The following TRAPPC10 variants were observed in gnomAD, a reference collection of about 807,000 sequenced individuals.
TRAPPC10 encodes trafficking protein particle complex subunit 10, also known as TRAPP 130 kDa subunit.
Under a neutral mutation model 125.5 loss-of-function variants are expected in TRAPPC10, and 23 were observed. That is an observed-to-expected ratio of 0.18 (90% CI 0.13 to 0.26). TRAPPC10 has a LOEUF of 0.26. Ranked by LOEUF, TRAPPC10 falls within the 10% of genes least tolerant of loss-of-function variation. The pLI is 1.00. For synonymous variants in TRAPPC10, 509 were observed against 518.0 expected, an observed-to-expected ratio of 0.98 and a Z score of 0.24; for missense variants, 1,123 against 1,308.4, an observed-to-expected ratio of 0.86 and a Z score of 2.19.
chr21:44,014,962 A>G (rs1420617852), intron 1 of TRAPPC10, among the ~76,000 whole-genome samples: 1 of 152,134 alleles, frequency 6.6e-6, no homozygotes, highest in Non-Finnish European at 1.5e-5. Flanking sequence ...GCCTGGTTTC[A>G]CTTTATGCCT....
chr21:44,084,922 G>GA (rs2038023985), intron 15 of TRAPPC10, among the ~76,000 whole-genome samples: 2 of 152,228 alleles, frequency 1.3e-5, no homozygotes, highest in African/African-American at 2.4e-5. Context: ...GAGGTATGGG[G>GA]AAAGGGGTGC....
intron 6 of TRAPPC10, among the ~76,000 whole-genome samples, chr21:44,061,935 A>G (rs2036089611): frequency 6.6e-6 from 1 of 152,222 alleles, no homozygotes; most frequent in East Asian, 1.9e-4. Context: ...GCTGGTAATC[A>G]CAGGTCCATG....
intron 15 of TRAPPC10, among the ~76,000 whole-genome samples, chr21:44,084,661 T>C (rs2038004697): frequency 6.6e-6 from 1 of 152,208 alleles, no homozygotes; most frequent in Non-Finnish European, 1.5e-5. Flanking sequence ...AATTCAGTTC[T>C]GACCCTGTCT....
At chr21:44,065,403 C>T (rs900210841) in intron 7 of TRAPPC10, among the ~76,000 whole-genome samples, 3 of 152,138 alleles carry the variant, frequency 2.0e-5, no homozygotes, top group Admixed American at 2.0e-4. Context: ...TTTTCCGAGC[C>T]CTTTGCTTTG....
chr21:44,028,326 G>C (rs921563550), intron 1 of TRAPPC10, among the ~76,000 whole-genome samples: 3 of 152,188 alleles, frequency 2.0e-5, no homozygotes, highest in Non-Finnish European at 4.4e-5. Context: ...CTTTCCCGGG[G>C]ATTCTCTGAA....
chr21:44,035,248 G>C (rs1484530237), intron 2 of TRAPPC10, among the ~76,000 whole-genome samples: 1 of 152,184 alleles, frequency 6.6e-6, no homozygotes, highest in East Asian at 1.9e-4. Flanking sequence ...CTGTCACCAT[G>C]TGATGCCCTC....
chr21:44,060,527 C>T lies in TRAPPC10; in HGVS notation c.790+1313C>T, dbSNP rs556268624. 3.5e-4 allele frequency among the ~76,000 whole-genome samples: 53 copies of T among 152,166 alleles called. 1 individual carries two copies. The highest frequency in any genetic ancestry group is 3.3e-3 in the Admixed American group (51 of 15,282). On this transcript the variant is annotated intron_variant, in intron 6 of 22. Coordinates refer to ENST00000291574, the MANE Select transcript of TRAPPC10 (RefSeq NM_003274.5). Reference sequence around the variant, plus strand: ...GATCTCCTGACCTCGTGATCCGCCTCAGCCTCCCAAAGTGCTGGGATTGCA... The same window carrying T: ...GATCTCCTGACCTCGTGATCCGCCTTAGCCTCCCAAAGTGCTGGGATTGCA...
At chr21:44,037,680 T>C (rs2034090170) in intron 2 of TRAPPC10, 112 bp from the exon 3 acceptor site, 2 of 1,220,416 alleles carry the variant, frequency 1.6e-6, no homozygotes, top group African/African-American at 1.5e-5. Flanking sequence ...TTGGGGTTAA[T>C]ATATGTGCTC....
rs529059121 is a variant in TRAPPC10 at position 44,024,342 on chromosome 21, A to G, written c.68-7749A>G. On this transcript the variant is annotated intron_variant, in intron 1 of 22. Coordinates refer to ENST00000291574, the MANE Select transcript of TRAPPC10 (RefSeq NM_003274.5). ...GGGTCCATTCCCCATTTCTGATTGA[A>G]CAGGTCTGGGTGGGGCCTGAGAATG... Among the ~76,000 whole-genome samples the G allele has an allele frequency of 2.0e-5, 3 of 152,138 alleles. No homozygotes were observed. The South Asian group carries it at 6.3e-4, about 32-fold the overall frequency.
Position 44,084,052 on chromosome 21 carries a change from C to T in TRAPPC10, c.2239-70C>T, listed in dbSNP as rs539899001. On this transcript the variant is annotated intron_variant, in intron 14 of 22. Coordinates refer to ENST00000291574, the MANE Select transcript of TRAPPC10 (RefSeq NM_003274.5). ...CTGGAGTTCAGAGAGACCGCTGCAC[C>T]GCGCTACCGCAGGAAGCTAACTGCA... The T allele has an allele frequency of 8.4e-5, 133 of 1,584,590 alleles. 1 individual carries two copies. Among genetic ancestry groups the T allele is most frequent in the Middle Eastern group, 1.7e-4 (1 of 5,948 alleles).
chr21:44,064,332 T>A (rs1419869545), intron 7 of TRAPPC10, among the ~76,000 whole-genome samples: 12 of 151,150 alleles, frequency 7.9e-5, no homozygotes, highest in African/African-American at 4.9e-5. Flanking sequence ...TGTGTGTGTG[T>A]GTGTGTGAGT....
rs1251464280 is a variant in TRAPPC10, at chr21:44,023,268, G to A, written c.68-8823G>A. ...AGGATGGTCTCGATCTCCTGACCTC[G>A]TCGTGATCCTCCCGCCTCAGCCTCC... On this transcript the variant is annotated intron_variant, in intron 1 of 22. Coordinates refer to ENST00000291574, the MANE Select transcript of TRAPPC10 (RefSeq NM_003274.5). Among the ~76,000 whole-genome samples, 5 of 151,500 alleles carry A rather than the reference G, an allele frequency of 3.3e-5. No homozygotes were observed. In the East Asian group the frequency reaches 5.8e-4, roughly 18 times the overall value.
chr21:44,035,153 ATGTTGC>A (rs924595829), intron 2 of TRAPPC10, among the ~76,000 whole-genome samples: 2 of 152,172 alleles, frequency 1.3e-5, no homozygotes, highest in Non-Finnish European at 2.9e-5. Flanking sequence ...GAGTGGATTA[ATGTTGC>A]TGTCACGGGA....
intron 3 of TRAPPC10, among the ~76,000 whole-genome samples, chr21:44,041,694 G>A (rs2034435417): frequency 6.6e-6 from 1 of 151,910 alleles, no homozygotes; most frequent in South Asian, 2.1e-4. Flanking sequence ...AAAATGTTTT[G>A]TCAGTAATTA....
intron 1 of TRAPPC10, among the ~76,000 whole-genome samples, chr21:44,020,640 CA>C (rs2032413736): frequency 1.3e-5 from 2 of 150,924 alleles, no homozygotes; most frequent in African/African-American, 4.9e-5. Flanking sequence ...TCTCAAAAAA[CA>C]AAAAACAAAA....
intron 19 of TRAPPC10, among the ~76,000 whole-genome samples, chr21:44,093,105 C>G (rs2038698060): frequency 6.6e-6 from 1 of 152,152 alleles, no homozygotes. Flanking sequence ...CCAAGATGTA[C>G]TCTTTAATTA....
At chr21:44,073,274 T>C (rs1424839326) in intron 7 of TRAPPC10, among the ~76,000 whole-genome samples, 8 of 152,218 alleles carry the variant, frequency 5.3e-5, no homozygotes, top group African/African-American at 1.4e-4. Flanking sequence ...AGAGTTCTTA[T>C]GGGAGTCAGT....
At chr21:44,013,415 T>A (rs971701746) in intron 1 of TRAPPC10, among the ~76,000 whole-genome samples, 2 of 152,228 alleles carry the variant, frequency 1.3e-5, no homozygotes, top group African/African-American at 2.4e-5. Context: ...CTGTTACGAT[T>A]TTTGACCTTT....
At position 44,037,865 on chromosome 21, in the gene TRAPPC10, AAAG is replaced by A; in HGVS notation, c.227_229del (p.Glu76del). 6.2e-7 allele frequency: 1 copy of A among 1,614,198 alleles called. No homozygotes were observed. The highest frequency in any genetic ancestry group is 1.7e-4 in the Middle Eastern group (1 of 6,016). On this transcript the variant is annotated inframe_deletion, in exon 3 of 23. Coordinates refer to ENST00000291574, the MANE Select transcript of TRAPPC10 (RefSeq NM_003274.5). ...TCAATTCAAAGAGGAGCTGCTGCCC[AAAG>A]AAGGAAACAAAGCTCTGCTCACGTT...
Sources: gnomAD v4.1 joint callset for allele counts (sites outside exome capture counted in the v4.1 genomes callset) on GRCh38, gnomAD v4.1.1 for gene constraint, MANE v1.5 for transcripts, NCBI Gene and HGNC (gene_info 2026-07-23, HGNC 2026-07-21) for gene names.